The following FLI1 variants were observed in gnomAD, a reference collection of about 807,000 sequenced individuals.
FLI1 encodes Friend leukemia integration 1 transcription factor.
FLI1 carries 13 observed loss-of-function variants against 53.1 expected under a neutral mutation model. The observed-to-expected ratio is 0.24, with a 90% CI of 0.16 to 0.39. FLI1 has a LOEUF of 0.39. Ranked by LOEUF, FLI1 falls within the 10% of genes least tolerant of loss-of-function variation. The pLI is 1.00. For missense variants in FLI1, 424 were observed against 600.5 expected, an observed-to-expected ratio of 0.71 and a Z score of 3.07; for synonymous variants, 244 against 236.7, an observed-to-expected ratio of 1.03 and a Z score of -0.28.
At chr11:128,809,239 A>G in intron 8 of FLI1, 35 bp downstream of exon 8, 3 of 1,598,082 alleles carry the variant, frequency 1.9e-6, no homozygotes, top group Non-Finnish European at 2.6e-6. Context: ...CTTTTTTGCC[A>G]GAATGTTTCG....
At chr11:128,768,582 AG>A in intron 3 of FLI1, 1 of 301,564 alleles carries the variant, frequency 3.3e-6, no homozygotes, top group South Asian at 3.6e-5. Context: ...CCAGCTACTC[AG>A]GGGGCTGAAG....
chr11:128,716,190 G>A (rs1459159236), intron 1 of FLI1, among the ~76,000 whole-genome samples: 2 of 152,172 alleles, frequency 1.3e-5, no homozygotes, highest in Non-Finnish European at 2.9e-5. Context: ...AAAGCACCAG[G>A]AGATTTAGAG....
chr11:128,803,699 A>G (rs1942697792), intron 5 of FLI1, among the ~76,000 whole-genome samples: 3 of 152,228 alleles, frequency 2.0e-5, no homozygotes, highest in Admixed American at 2.0e-4. Context: ...AATACAGTGC[A>G]GAAGTTGGTC....
At chr11:128,732,491 C>T (rs909103781) in intron 1 of FLI1, among the ~76,000 whole-genome samples, 25 of 152,160 alleles carry the variant, frequency 1.6e-4, no homozygotes, top group African/African-American at 5.6e-4. Flanking sequence ...AGAGGAAGAC[C>T]CTGCCTCCAT....
intron 1 of FLI1, among the ~76,000 whole-genome samples, chr11:128,706,983 A>C (rs912634119): frequency 1.3e-5 from 2 of 152,224 alleles, no homozygotes; most frequent in African/African-American, 4.8e-5. Flanking sequence ...TGTCTAGTTG[A>C]AAATGGATTT....
At chr11:128,723,939 T>C (rs1939361515) in intron 1 of FLI1, among the ~76,000 whole-genome samples, 1 of 141,672 alleles carries the variant, frequency 7.1e-6, no homozygotes, top group Non-Finnish European at 1.5e-5. Context: ...GTTGATTTTT[T>C]TTTTTTTTTT....
At chr11:128,726,097 T>G (rs1217830567) in intron 1 of FLI1, among the ~76,000 whole-genome samples, 1 of 152,050 alleles carries the variant, frequency 6.6e-6, no homozygotes, top group East Asian at 1.9e-4. Flanking sequence ...CATTACTGAG[T>G]CTTCTTCCAG....
chr11:128,775,839 G>C (rs1042576409), intron 4 of FLI1, among the ~76,000 whole-genome samples: 1 of 152,180 alleles, frequency 6.6e-6, no homozygotes. Flanking sequence ...GCAAGAGATG[G>C]ATGGAAAATA....
chr11:128,730,983 G>A (rs896166898), intron 1 of FLI1, among the ~76,000 whole-genome samples: 1 of 152,238 alleles, frequency 6.6e-6, no homozygotes, highest in African/African-American at 2.4e-5. Context: ...TTCTCAGGTG[G>A]AGTAGTTAAT....
Position 128,721,794 on chromosome 11 carries a change from G to A in FLI1, c.18+27518G>A, listed in dbSNP as rs1023606880. On this transcript the variant is annotated intron_variant, in intron 1 of 8. Transcript: ENST00000527786. ...ACACAAATGAATCTGAAGCTTGCCC[G>A]CTCCAGGCTCTCTAGAAGGTCAGGT... Among the ~76,000 whole-genome samples, 9 of 152,198 alleles carry A rather than the reference G, an allele frequency of 5.9e-5. No homozygotes were observed. In the South Asian group the frequency reaches 6.2e-4, roughly 11 times the overall value.
intron 5 of FLI1, among the ~76,000 whole-genome samples, chr11:128,790,297 C>CAGAG (rs1041083816): frequency 7.1e-6 from 1 of 140,512 alleles, no homozygotes; most frequent in Admixed American, 7.2e-5. Context: ...GAGAGAGAGA[C>CAGAG]AGAGAGAGAG....
At chr11:128,722,320 G>A (rs1939287400) in intron 1 of FLI1, among the ~76,000 whole-genome samples, 1 of 152,210 alleles carries the variant, frequency 6.6e-6, no homozygotes, top group Non-Finnish European at 1.5e-5. Flanking sequence ...AAGCTGACAA[G>A]GTCAAGGGAT....
chr11:128,746,783 C>T (rs1461840174), intron 1 of FLI1, among the ~76,000 whole-genome samples: 1 of 152,170 alleles, frequency 6.6e-6, no homozygotes, highest in African/African-American at 2.4e-5. Flanking sequence ...GACCATTTAT[C>T]ATCATCGGAA....
chr11:128,687,559 T>G (rs375810710), intron 1 of FLI1, among the ~76,000 whole-genome samples: 2 of 151,854 alleles, frequency 1.3e-5, no homozygotes, highest in African/African-American at 4.8e-5. Context: ...CCCAGATCTC[T>G]GCCCCGCCCT....
intron 2 of FLI1, among the ~76,000 whole-genome samples, chr11:128,767,194 T>A (rs920221334): frequency 6.6e-6 from 1 of 152,196 alleles, no homozygotes; most frequent in Admixed American, 6.5e-5. Flanking sequence ...GCTGATCAAG[T>A]TCTGTAGTTC....
At chr11:128,797,839 A>T (rs530203188) in intron 5 of FLI1, among the ~76,000 whole-genome samples, 2 of 152,286 alleles carry the variant, frequency 1.3e-5, no homozygotes, top group East Asian at 3.9e-4. Context: ...TCACCTAGCG[A>T]GGGACACAAG....
chr11:128,719,513 CAA>C (rs1293075022), intron 1 of FLI1, among the ~76,000 whole-genome samples: 3 of 152,028 alleles, frequency 2.0e-5, no homozygotes, highest in Non-Finnish European at 1.5e-5. Flanking sequence ...AATTAGCTGT[CAA>C]AGAGTGCATT....
intron 1 of FLI1, among the ~76,000 whole-genome samples, chr11:128,734,578 G>A (rs1313633321): frequency 6.6e-6 from 1 of 152,158 alleles, no homozygotes; most frequent in Non-Finnish European, 1.5e-5. Flanking sequence ...CTGCACTGTG[G>A]TGTGTTTTGC....
upstream of FLI1, among the ~76,000 whole-genome samples, chr11:128,690,151 T>C (rs900079777): frequency 1.3e-5 from 2 of 151,454 alleles, no homozygotes; most frequent in African/African-American, 4.8e-5. Context: ...AAATTAATTA[T>C]GGCCTCGAGC....
Sources: allele counts gnomAD v4.1 joint callset (sites outside exome capture counted in the v4.1 genomes callset), GRCh38; gene constraint gnomAD v4.1.1; transcripts MANE v1.5; gene names NCBI Gene and HGNC (gene_info 2026-07-23, HGNC 2026-07-21).